The following DNAH12 variants were observed in gnomAD, a reference collection of about 807,000 sequenced individuals.
The protein encoded by DNAH12 is dynein axonemal heavy chain 12, also known as axonemal beta dynein heavy chain 12.
Under a neutral mutation model 371.5 loss-of-function variants are expected in DNAH12, and 285 were observed. The observed-to-expected ratio is 0.77, with a 90% CI of 0.70 to 0.85. The LOEUF (loss-of-function observed/expected upper bound fraction) is 0.85. Ranked by LOEUF, DNAH12 falls within the 40% of genes least tolerant of loss-of-function variation. The probability of loss-of-function intolerance (pLI) is 0.00; values close to 1 mark genes in which losing one functional copy is unlikely to be tolerated. For missense variants in DNAH12, 3,611 were observed against 3,689.4 expected (o/e 0.98, Z 0.55); for synonymous variants, 1,200 against 1,213.0 (o/e 0.99, Z 0.22).
chr3:57,325,849 C>T (rs1225186875), intron 62 of DNAH12, among the ~76,000 whole-genome samples: 2 of 152,084 alleles, frequency 1.3e-5, no homozygotes, highest in African/African-American at 4.8e-5. Context: ...ATAATTAGAA[C>T]AACCAATACA....
intron 42 of DNAH12, among the ~76,000 whole-genome samples, chr3:57,404,330 G>C (rs571784376): frequency 6.6e-6 from 1 of 152,086 alleles, no homozygotes; most frequent in South Asian, 2.1e-4. Context: ...ATTATATCCA[G>C]TATTATACCA....
rs546468344 is a variant in DNAH12, at chr3:57,408,375, T to C, written c.6181A>G (p.Ile2061Val). The C allele has an allele frequency of 2.7e-4, 425 of 1,551,470 alleles. No individual in the cohort carries two copies. The highest frequency in any genetic ancestry group is 3.6e-4 in the Non-Finnish European group (408 of 1,146,934). Residue 2061 changes from isoleucine to valine, a missense_variant, in exon 40 of 74, where the codon ATC (isoleucine) becomes GTC (valine). Transcript: ENST00000495027. ...NSFSDETMVR[I>V]FSSIVAFYLR... ...TAGAATGCTACAATAGATGAGAAGA[T>C]TCGGACCATAGTTTCATCACTAAAA...
chr3:57,503,938 T>C (rs2067652378), intron 9 of DNAH12, 78 bp downstream of exon 9: 2 of 1,062,662 alleles, frequency 1.9e-6, no homozygotes, highest in South Asian at 4.7e-5. Context: ...AGTCATAACA[T>C]TGTATGTACA....
At position 57,323,426 on chromosome 3, in the gene DNAH12, T is replaced by C. The variant is rs1053851463; in HGVS notation, c.10129+43A>G. The C allele has an allele frequency of 1.4e-4, 210 of 1,495,358 alleles. No homozygotes were observed. In the East Asian group the frequency reaches 5.1e-3, roughly 36 times the overall value. 92.6% of individuals were successfully genotyped at this position (1,495,358 alleles called of 1,614,324 possible). A position where few individuals can be genotyped will look rare whatever the true frequency, so the allele number is the denominator to read the frequency against. On this transcript the variant is annotated intron_variant, in intron 63 of 73. Transcript: ENST00000495027. ...TAAGGAATCAGTATTGAGCAAGATG[T>C]TTTATTTATGATTTCTTAAAAGTTT... is the stretch of plus-strand genomic sequence containing the variant.
chr3:57,439,681 G>A (rs575947850), intron 29 of DNAH12, among the ~76,000 whole-genome samples: 111 of 152,208 alleles, frequency 7.3e-4, no homozygotes, highest in Non-Finnish European at 1.1e-3. Context: ...AACAAAAACT[G>A]ACAAGTGGGA....
chr3:57,491,955 G>A lies in DNAH12; in HGVS notation c.1336-2268C>T, dbSNP rs1016674910. On this transcript the variant is annotated intron_variant, in intron 11 of 73. Transcript: ENST00000495027. Reference sequence around the variant, plus strand: ...CAGAAGGCAGAGGCTGCGTTGAGCCGTGATCACACCACTGCACTATAGCCT... The same window carrying A: ...CAGAAGGCAGAGGCTGCGTTGAGCCATGATCACACCACTGCACTATAGCCT... Among the ~76,000 whole-genome samples the A allele has an allele frequency of 1.6e-4, 24 of 151,670 alleles. 1 individual carries two copies. Among genetic ancestry groups the A allele is most frequent in the Admixed American group, 5.9e-4 (9 of 15,214 alleles).
chr3:57,476,806 A>C (rs2066543256), intron 13 of DNAH12, among the ~76,000 whole-genome samples: 1 of 152,352 alleles, frequency 6.6e-6, no homozygotes, highest in East Asian at 1.9e-4. Context: ...GTAAATAGGT[A>C]CATCATCTTG....
intron 60 of DNAH12, among the ~76,000 whole-genome samples, chr3:57,337,678 G>A (rs1377839958): frequency 6.6e-6 from 1 of 151,884 alleles, no homozygotes; most frequent in Non-Finnish European, 1.5e-5. Context: ...ATATATATGT[G>A]TGTATATATA....
intron 27 of DNAH12, 40 bp downstream of exon 27, chr3:57,445,991 C>T (rs758502395): frequency 7.0e-7 from 1 of 1,425,182 alleles, no homozygotes. Flanking sequence ...GTTTCAAAAA[C>T]ATAAAATAAA....
At chr3:57,363,150 C>T (rs926918871) in intron 58 of DNAH12, among the ~76,000 whole-genome samples, 5 of 152,050 alleles carry the variant, frequency 3.3e-5, no homozygotes, top group Admixed American at 1.3e-4. Context: ...TGATCTTTGA[C>T]AAACCTGACA....
Position 57,462,415 on chromosome 3 carries a change from C to T in DNAH12, c.2535+275G>A, listed in dbSNP as rs2066080911. On this transcript the variant is annotated intron_variant, in intron 18 of 73. Coordinates refer to ENST00000495027, the MANE Select transcript of DNAH12 (RefSeq NM_001366028.2). ...TACAGGCACCCACTGACATGCCCAG[C>T]TAATTTTTGTATTTTTAGTAGGGAT... 1.3e-5 allele frequency among the ~76,000 whole-genome samples: 2 copies of T among 152,034 alleles called. 1 individual carries two copies. The highest frequency in any genetic ancestry group is 4.2e-4 in the South Asian group (2 of 4,802).
At chr3:57,546,048 A>C (rs2069551407), upstream of DNAH12, among the ~76,000 whole-genome samples, 1 of 152,074 alleles carries the variant, frequency 6.6e-6, no homozygotes, top group African/African-American at 2.4e-5. Context: ...GTCCAGGGCC[A>C]AACTTTCTCT....
chr3:57,525,194 G>A (rs186555923), intron 2 of DNAH12, among the ~76,000 whole-genome samples: 3 of 151,414 alleles, frequency 2.0e-5, no homozygotes, highest in Non-Finnish European at 4.4e-5. Context: ...GAAGGAAAGG[G>A]TGTCCACTGG....
In DNAH12 at chr3:57,386,543, A is replaced by T. The variant is rs2063502735; in HGVS notation, c.7500T>A (p.Ile2500=). The part of the protein sequence containing the change: ...YVTATSYLEL[I]GSFRQLLTQK... Reference sequence around the variant, plus strand: ...GTGTCAAAAGCTGTCGAAATGAGCCAATGAGTTCAAGATAAGAAGTAGCAG... The same window carrying T: ...GTGTCAAAAGCTGTCGAAATGAGCCTATGAGTTCAAGATAAGAAGTAGCAG... The change falls in exon 47 of 74, where the codon ATT becomes ATA. Residue 2500 remains isoleucine, a synonymous_variant. Transcript: ENST00000495027. 6.6e-6 allele frequency: 1 copy of T among 152,216 alleles called. No individual in the cohort carries two copies. Among genetic ancestry groups the T allele is most frequent in the Non-Finnish European group, 1.5e-5 (1 of 68,042 alleles). 9.4% of individuals were successfully genotyped at this position (152,216 alleles called of 1,614,324 possible). A position where few individuals can be genotyped will look rare whatever the true frequency, so the allele number is the denominator to read the frequency against.
chr3:57,375,739 T>C (rs1212109902), intron 54 of DNAH12, 79 bp downstream of exon 54: 2 of 148,108 alleles, frequency 1.4e-5, no homozygotes, highest in Non-Finnish European at 2.9e-5. Context: ...CTGCCATTAT[T>C]ATCATCCTTT....
chr3:57,370,464 T>A (rs1001081495), intron 55 of DNAH12, among the ~76,000 whole-genome samples: 1 of 152,128 alleles, frequency 6.6e-6, no homozygotes, highest in Non-Finnish European at 1.5e-5. Context: ...AGACAGAAAG[T>A]GAGGAAGCTT....
intron 62 of DNAH12, among the ~76,000 whole-genome samples, chr3:57,325,254 G>T (rs959029914): frequency 6.6e-6 from 1 of 152,202 alleles, no homozygotes; most frequent in Non-Finnish European, 1.5e-5. Flanking sequence ...ATCTGAGAAC[G>T]GGCAGACTGC....
chr3:57,295,477 C>T, intron 73 of DNAH12, 48 bp downstream of exon 73: 4 of 1,504,248 alleles, frequency 2.7e-6, no homozygotes, highest in Non-Finnish European at 3.6e-6. Flanking sequence ...TAATATCCAT[C>T]CTTATTCTCC....
At chr3:57,441,971 T>A (rs573874713) in intron 29 of DNAH12, among the ~76,000 whole-genome samples, 2 of 151,640 alleles carry the variant, frequency 1.3e-5, no homozygotes, top group Non-Finnish European at 2.9e-5. Context: ...ATAAGAAAAA[T>A]GCCTGACTTC....
Sources: gnomAD v4.1 joint callset for allele counts (sites outside exome capture counted in the v4.1 genomes callset) on GRCh38, gnomAD v4.1.1 for gene constraint, MANE v1.5 for transcripts, NCBI Gene and HGNC (gene_info 2026-07-23, HGNC 2026-07-21) for gene names.